PDE4D: variants seen among roughly 807,000 people sequenced by gnomAD.
PDE4D encodes phosphodiesterase 4D.
Under a neutral mutation model 87.4 loss-of-function variants are expected in PDE4D, and 24 were observed. That is an observed-to-expected ratio of 0.27 (90% confidence interval 0.20 to 0.39). PDE4D has a LOEUF of 0.39. PDE4D is among the 10% of genes least tolerant of loss of function. PDE4D has a pLI of 1.00. For missense variants in PDE4D, 714 were observed against 1,041.0 expected (o/e 0.69, Z 4.32); for synonymous variants, 384 against 383.2 (o/e 1.00, Z -0.02).
chr5:60,188,683 C>A (rs1221369055), intron 1 of PDE4D, among the ~76,000 whole-genome samples: 1 of 152,170 alleles, frequency 6.6e-6, no homozygotes, highest in African/African-American at 2.4e-5. Context: ...TTAAAAAAAT[C>A]TCTATAATGT....
chr5:60,107,979 A>G (rs1441550600), intron 2 of PDE4D, among the ~76,000 whole-genome samples: 1 of 152,212 alleles, frequency 6.6e-6, no homozygotes, highest in African/African-American at 2.4e-5. Flanking sequence ...CACCACTCCT[A>G]GTCAACATAG....
At position 59,008,638 on chromosome 5, in the gene PDE4D, G is replaced by A. The variant is rs117255258; in HGVS notation, c.922-15173C>T. 2.5e-3 allele frequency among the ~76,000 whole-genome samples: 387 copies of A among 152,012 alleles called. 6 individuals are homozygous for A. In the East Asian group the frequency reaches 0.047, roughly 18 times the overall value. On this transcript the variant is annotated intron_variant, in intron 6 of 14. Coordinates refer to ENST00000340635, the MANE Select transcript of PDE4D (RefSeq NM_001104631.2). Reference sequence around the variant, plus strand: ...AAAATCTAAAACTAAAGAACTTCTAGAAGAAAACACAGTAGAAAGTAGTTG... The same window carrying A: ...AAAATCTAAAACTAAAGAACTTCTAAAAGAAAACACAGTAGAAAGTAGTTG...
chr5:60,460,092 G>A, intron 1 of PDE4D: 1 of 1,605,764 alleles, frequency 6.2e-7, no homozygotes, highest in South Asian at 1.1e-5. Flanking sequence ...CATCAGAATG[G>A]TCAGTAAACC....
At chr5:59,377,626 T>G (rs1784956039) in intron 1 of PDE4D, among the ~76,000 whole-genome samples, 1 of 151,866 alleles carries the variant, frequency 6.6e-6, no homozygotes, top group South Asian at 2.1e-4. Flanking sequence ...TTAAACAAAT[T>G]TACAAGAAAA....
At chr5:59,825,038 T>C (rs1770154965) in intron 1 of PDE4D, among the ~76,000 whole-genome samples, 1 of 152,180 alleles carries the variant, frequency 6.6e-6, no homozygotes, top group Non-Finnish European at 1.5e-5. Flanking sequence ...GAAGACATAA[T>C]TAATTTACCT....
chr5:59,302,329 GTACTT>G (rs113455996), intron 1 of PDE4D, among the ~76,000 whole-genome samples: 4,293 of 151,960 alleles, frequency 0.028, 225 homozygotes, highest in African/African-American at 0.098. Flanking sequence ...CCTTCCGAAT[GTACTT>G]TACTTTGCTT....
rs1749964149 is a variant in PDE4D at position 60,499,399 on chromosome 5, T to C, written n.70+22652A>G. Among the ~76,000 whole-genome samples, 7 of 152,170 alleles carry C rather than the reference T, an allele frequency of 4.6e-5. No homozygotes were observed. In the South Asian group the frequency reaches 1.4e-3, roughly 32 times the overall value. On this transcript the variant is annotated intron_variant and non_coding_transcript_variant, in intron 1 of 2. Transcript: ENST00000506510. Reference sequence around the variant, plus strand: ...TCTACAGAATTTCATGAACTTTCATTGAGATTTCAGCAGTTCTTCCAAAAG... The same window carrying C: ...TCTACAGAATTTCATGAACTTTCATCGAGATTTCAGCAGTTCTTCCAAAAG...
At chr5:59,609,825 T>C (rs1470649113) in intron 1 of PDE4D, among the ~76,000 whole-genome samples, 1 of 151,930 alleles carries the variant, frequency 6.6e-6, no homozygotes, top group Non-Finnish European at 1.5e-5. Flanking sequence ...TCCTGAAAGG[T>C]GTAGTGGTTC....
intron 1 of PDE4D, among the ~76,000 whole-genome samples, chr5:59,603,541 T>C (rs1312194800): frequency 6.6e-6 from 1 of 152,014 alleles, no homozygotes; most frequent in Admixed American, 6.6e-5. Flanking sequence ...TTGTACACTG[T>C]TGATGGGAAT....
chr5:59,908,322 T>TA, intron 3 of PDE4D, among the ~76,000 whole-genome samples: 1 of 152,268 alleles, frequency 6.6e-6, no homozygotes, highest in South Asian at 2.1e-4. Flanking sequence ...AAACTTTTTT[T>TA]TAAAAAACAA....
At chr5:59,170,440 T>G (rs1782579378) in intron 5 of PDE4D, among the ~76,000 whole-genome samples, 2 of 152,242 alleles carry the variant, frequency 1.3e-5, no homozygotes, top group African/African-American at 2.4e-5. Context: ...AATGCTGGAC[T>G]GTGGAACCAT....
Position 59,494,264 on chromosome 5 carries a change from C to A in PDE4D, c.456-278296G>T, listed in dbSNP as rs115203433. Among the ~76,000 whole-genome samples the A allele has an allele frequency of 1.6e-3, 239 of 152,242 alleles. 1 individual carries two copies. Among genetic ancestry groups the A allele is most frequent in the African/African-American group, 3.6e-3 (150 of 41,540 alleles). On this transcript the variant is annotated intron_variant, in intron 1 of 14. Transcript: ENST00000340635. ...CAATGTGTCAGATATGTAATAAAGG[C>A]ACTTTCTAGAAGTCGTATAGCCATT...
At chr5:60,347,162 C>T (rs1351786612) in intron 1 of PDE4D, among the ~76,000 whole-genome samples, 1 of 152,014 alleles carries the variant, frequency 6.6e-6, no homozygotes, top group African/African-American at 2.4e-5. Flanking sequence ...CTGAGGAGGA[C>T]ACTTAAGCTG....
intron 1 of PDE4D, among the ~76,000 whole-genome samples, chr5:59,269,667 G>T (rs1246304802): frequency 6.6e-6 from 1 of 152,002 alleles, no homozygotes; most frequent in Non-Finnish European, 1.5e-5. Flanking sequence ...GAGAGGGTTT[G>T]AATTTGGGGT....
chr5:58,976,243 T>C lies in PDE4D; in HGVS notation c.1830+107A>G, dbSNP rs62356653. Reference sequence around the variant, plus strand: ...AAATCCTGCCTACAATTGCTGAAAGTATAAGGTGGGAGAAGGAAGAAATAC... The same window carrying C: ...AAATCCTGCCTACAATTGCTGAAAGCATAAGGTGGGAGAAGGAAGAAATAC... On this transcript the variant is annotated intron_variant, in intron 13 of 14. Transcript: ENST00000340635. 55,522 of 1,213,900 alleles carry C rather than the reference T, an allele frequency of 0.046. 1,513 individuals are homozygous for C. The highest frequency in any genetic ancestry group is 0.055 in the Non-Finnish European group (49,451 of 898,842). 75.2% of individuals were successfully genotyped at this position (1,213,900 alleles called of 1,614,324 possible).
intron 1 of PDE4D, among the ~76,000 whole-genome samples, chr5:59,843,196 A>C (rs1743287151): frequency 6.6e-6 from 1 of 152,034 alleles, no homozygotes; most frequent in African/African-American, 2.4e-5. Context: ...ATAGCATGAT[A>C]AGCCCTATCA....
At chr5:59,077,534 T>G (rs1363621268) in intron 5 of PDE4D, among the ~76,000 whole-genome samples, 1 of 148,176 alleles carries the variant, frequency 6.7e-6, no homozygotes, top group Non-Finnish European at 1.5e-5. Flanking sequence ...AGTGCAGTGG[T>G]GCGATCTCGC....
At chr5:59,197,140 T>C (rs193173266) in intron 2 of PDE4D, among the ~76,000 whole-genome samples, 52 of 152,278 alleles carry the variant, frequency 3.4e-4, no homozygotes, top group Admixed American at 1.4e-3. Context: ...GAAATATGTC[T>C]CCTAATTTTT....
chr5:59,922,734 G>A (rs1232637340), intron 3 of PDE4D, among the ~76,000 whole-genome samples: 7 of 152,076 alleles, frequency 4.6e-5, no homozygotes, highest in Non-Finnish European at 1.5e-5. Context: ...GGCCTGGGGT[G>A]AGACTGAGAA....
Sources: allele counts gnomAD v4.1 joint callset (sites outside exome capture counted in the v4.1 genomes callset), GRCh38; gene constraint gnomAD v4.1.1; transcripts MANE v1.5; gene names NCBI Gene and HGNC (gene_info 2026-07-23, HGNC 2026-07-21).